Variants in TENM3 observed in about 807,000 individuals in gnomAD.
TENM3 encodes teneurin-3.
A neutral mutation model predicts 255.1 loss-of-function variants in TENM3; 63 were observed. That is an observed-to-expected ratio of 0.25 (90% CI 0.20 to 0.30). The LOEUF is 0.30. Ranked by LOEUF, TENM3 falls within the 10% of genes least tolerant of loss-of-function variation. The pLI is 1.00. For missense variants in TENM3, 2,929 were observed against 3,461.1 expected, an observed-to-expected ratio of 0.85 and a Z score of 3.86; for synonymous variants, 1,306 against 1,322.3, an observed-to-expected ratio of 0.99 and a Z score of 0.27.
intron 16 of TENM3, among the ~76,000 whole-genome samples, chr4:182,734,762 G>A (rs1761038180): frequency 6.6e-6 from 1 of 152,154 alleles, no homozygotes; most frequent in African/African-American, 2.4e-5. Flanking sequence ...ACATGGTCAA[G>A]TTAAATTACA....
intron 13 of TENM3, among the ~76,000 whole-genome samples, chr4:182,721,302 C>CA (rs113274211): frequency 0.017 from 2,626 of 152,222 alleles, 91 homozygotes; most frequent in South Asian, 0.14. Context: ...GTGGGCATCT[C>CA]GTGAATTCAT....
the TENM3 span, among the ~76,000 whole-genome samples, chr4:181,728,486 T>G: frequency 6.6e-6 from 1 of 152,240 alleles, no homozygotes; most frequent in African/African-American, 2.4e-5. Context: ...TCCCTGGAAC[T>G]GAGGGTCCCT....
the TENM3 span, among the ~76,000 whole-genome samples, chr4:181,648,601 G>A: frequency 6.6e-6 from 1 of 152,158 alleles, no homozygotes; most frequent in Non-Finnish European, 1.5e-5. Flanking sequence ...AAAGAATTCT[G>A]ATTTACCAGG....
chr4:182,589,694 CGGG>C (rs1746408972), intron 3 of TENM3, among the ~76,000 whole-genome samples: 1 of 151,964 alleles, frequency 6.6e-6, no homozygotes, highest in Non-Finnish European at 1.5e-5. Context: ...GGTTTGCGGC[CGGG>C]CGCAGTGGCT....
rs764086961 is a variant in TENM3 at position 182,730,224 on chromosome 4, A to G, written c.2610A>G (p.Gln870=). Residue 870 remains glutamine, a synonymous_variant, in exon 15 of 28, where the codon CAA becomes CAG. Coordinates refer to ENST00000511685, the MANE Select transcript of TENM3 (RefSeq NM_001080477.4). The part of the protein sequence containing the change: ...NKSLASVIRG[Q]VLTADGTPLI... ...GCCTTGCATCTGTCATCAGAGGCCA[A>G]GTACTGACTGCTGATGGAACTCCAC... The G allele has an allele frequency of 5.6e-6, 9 of 1,613,772 alleles. No homozygotes were observed. The Admixed American group carries it at 8.3e-5, about 15-fold the overall frequency.
chr4:182,159,198 G>T (rs1750921452), intron 1 of TENM3, among the ~76,000 whole-genome samples: 1 of 152,190 alleles, frequency 6.6e-6, no homozygotes, highest in Non-Finnish European at 1.5e-5. Flanking sequence ...GTCTTCAGTT[G>T]TCGGAGTCAT....
At chr4:181,805,826 T>C in the TENM3 span, among the ~76,000 whole-genome samples, 1 of 152,186 alleles carries the variant, frequency 6.6e-6, no homozygotes, top group East Asian at 1.9e-4. Context: ...TTCTCTAATT[T>C]GTATTGATGA....
intron 3 of TENM3, among the ~76,000 whole-genome samples, chr4:182,537,018 C>A (rs548780441): frequency 6.6e-6 from 1 of 152,134 alleles, no homozygotes; most frequent in Admixed American, 6.5e-5. Context: ...GAAGGAGTGT[C>A]CAGAAGAATG....
At chr4:181,654,773 AAG>A in the TENM3 span, among the ~76,000 whole-genome samples, 1 of 151,302 alleles carries the variant, frequency 6.6e-6, no homozygotes, top group Non-Finnish European at 1.5e-5. Flanking sequence ...AAAAAAAAAA[AAG>A]AAGTGGTCCT....
intron 5 of TENM3, among the ~76,000 whole-genome samples, chr4:182,629,203 C>T (rs192975751): frequency 7.9e-5 from 12 of 152,198 alleles, no homozygotes; most frequent in Admixed American, 2.0e-4. Context: ...ATAATTCATG[C>T]GCTTGCAGTA....
intron 3 of TENM3, among the ~76,000 whole-genome samples, chr4:182,463,893 A>AT (rs1223479447): frequency 2.0e-5 from 3 of 152,116 alleles, no homozygotes; most frequent in African/African-American, 7.2e-5. Context: ...AGGTGCTGAG[A>AT]TTACAGGTGT....
the TENM3 span, among the ~76,000 whole-genome samples, chr4:181,951,936 C>T: frequency 1.3e-5 from 2 of 152,064 alleles, no homozygotes; most frequent in African/African-American, 4.8e-5. Flanking sequence ...AGGGTTTTTC[C>T]ATGCTTGCTG....
the TENM3 span, among the ~76,000 whole-genome samples, chr4:182,098,494 T>C: frequency 6.6e-6 from 1 of 152,224 alleles, no homozygotes; most frequent in African/African-American, 2.4e-5. Flanking sequence ...AATGGAGTAC[T>C]ATTCAGCCAT....
chr4:181,924,444 T>C, the TENM3 span, among the ~76,000 whole-genome samples: 1 of 152,218 alleles, frequency 6.6e-6, no homozygotes, highest in Non-Finnish European at 1.5e-5. Context: ...AGAATCATCA[T>C]TGATATGTGT....
At chr4:182,082,297 A>G in the TENM3 span, among the ~76,000 whole-genome samples, 1 of 152,246 alleles carries the variant, frequency 6.6e-6, no homozygotes, top group African/African-American at 2.4e-5. Flanking sequence ...CTCTTTTATA[A>G]GGGTACTAAT....
At chr4:182,346,979 GT>G in intron 3 of TENM3, 50 bp downstream of exon 3, 1 of 1,305,776 alleles carries the variant, frequency 7.7e-7, no homozygotes, top group East Asian at 3.1e-5. Context: ...GCTTCTGTCT[GT>G]TTTGGTTGAC....
the TENM3 span, among the ~76,000 whole-genome samples, chr4:181,910,639 T>C: frequency 6.7e-6 from 1 of 150,104 alleles, no homozygotes; most frequent in African/African-American, 2.5e-5. Flanking sequence ...TATGTGTGTG[T>C]GTGTGTGTGT....
chr4:182,585,985 G>A (rs1745984048), intron 3 of TENM3, among the ~76,000 whole-genome samples: 1 of 152,244 alleles, frequency 6.6e-6, no homozygotes, highest in African/African-American at 2.4e-5. Flanking sequence ...TGGGCACAGT[G>A]GCTCACGCCT....
chr4:182,513,453 G>A (rs1189862048), intron 3 of TENM3, among the ~76,000 whole-genome samples: 1 of 143,474 alleles, frequency 7.0e-6, no homozygotes, highest in African/African-American at 2.8e-5. Context: ...CAAGATGGGA[G>A]AAGAAGCTGG....
Sources: gnomAD v4.1 joint callset for allele counts (sites outside exome capture counted in the v4.1 genomes callset) on GRCh38, gnomAD v4.1.1 for gene constraint, MANE v1.5 for transcripts, NCBI Gene and HGNC (gene_info 2026-07-23, HGNC 2026-07-21) for gene names.